Variants in ACADM observed in about 807,000 individuals in gnomAD.
The protein encoded by ACADM is medium-chain specific acyl-CoA dehydrogenase, mitochondrial.
Under a neutral mutation model 58.9 loss-of-function variants are expected in ACADM, and 49 were observed. The observed-to-expected ratio is 0.83, with a 90% CI of 0.66 to 1.06. The LOEUF (loss-of-function observed/expected upper bound fraction) is 1.06. Ranked by LOEUF, ACADM falls within the 50% of genes least tolerant of loss-of-function variation. ACADM has a pLI of 0.00. For synonymous variants in ACADM, 160 were observed against 157.7 expected, an observed-to-expected ratio of 1.01 and a Z score of -0.11; for missense variants, 496 against 507.0, an observed-to-expected ratio of 0.98 and a Z score of 0.21.
chr1:75,760,283 A>AAAT (rs1648755875), intron 10 of ACADM, among the ~76,000 whole-genome samples: 1 of 147,088 alleles, frequency 6.8e-6, no homozygotes, highest in East Asian at 2.0e-4. Flanking sequence ...AAAAAAAAAA[A>AAAT]GCCTGGTGTG....
rs59063908 is a variant in ACADM at position 75,760,544 on chromosome 1, C to CA, written c.946-542dup. Among the ~76,000 whole-genome samples the CA allele has an allele frequency of 3.0e-3, 107 of 35,482 alleles. 22 individuals are homozygous for CA. The highest frequency in any genetic ancestry group is 5.8e-3 in the African/African-American group (84 of 14,434). The allele number at this position is 35,482 out of a possible 152,430, so 23.3% of individuals were successfully genotyped here. ...TGGAAAACAAAGTGAGACCCTGTCT[C>CA]AAAAAAAAAAAAAAAAAAAAAAAAA... is the stretch of plus-strand genomic sequence containing the variant. On this transcript the variant is annotated intron_variant, in intron 10 of 11. Transcript: ENST00000370841.
chr1:75,762,605 C>A, intron 11 of ACADM, 87 bp from the exon 12 acceptor site: 1 of 855,444 alleles, frequency 1.2e-6, no homozygotes, highest in Non-Finnish European at 2.0e-6. Flanking sequence ...TATTACAACA[C>A]AGCTTATGCT....
rs968501995 is a variant in ACADM, at chr1:75,749,623, T to C, written c.849+64T>C. On this transcript the variant is annotated intron_variant, in intron 9 of 11. Transcript: ENST00000370841. ...ATTTATTACATTAAATAAGTATTTT[T>C]ACTTTAAAATTGTATGTTCAGTGTG... 1.6e-5 allele frequency: 23 copies of C among 1,438,678 alleles called. No homozygotes were observed. The East Asian group carries it at 5.1e-4, about 32-fold the overall frequency. The allele number at this position is 1,438,678 out of a possible 1,614,324, so 89.1% of individuals were successfully genotyped here. A position where few individuals can be genotyped will look rare whatever the true frequency, so the allele number is the denominator to read the frequency against.
In ACADM at chr1:75,743,966, A is replaced by G. The variant is rs1233277757; in HGVS notation, c.600-1840A>G. On this transcript the variant is annotated intron_variant, in intron 7 of 11. Transcript: ENST00000370841. The stretch of plus-strand genomic sequence containing the variant: ...CCTAGTTTGAGGTTATGTTTCTTCA[A>G]AAAAGCCTCTTTGTGCCGAGCCCTC... 8.4e-6 allele frequency: 13 copies of G among 1,553,224 alleles called. No individual in the cohort carries two copies. The East Asian group carries it at 1.3e-4, about 16-fold the overall frequency.
intron 7 of ACADM, among the ~76,000 whole-genome samples, chr1:75,741,208 A>G (rs1366321298): frequency 1.3e-5 from 2 of 152,138 alleles, no homozygotes; most frequent in Non-Finnish European, 2.9e-5. Flanking sequence ...GATTCAATAT[A>G]TTTGTGTGCC....
intron 8 of ACADM, among the ~76,000 whole-genome samples, chr1:75,747,695 G>A (rs1647974846): frequency 6.6e-6 from 1 of 152,220 alleles, no homozygotes; most frequent in Non-Finnish European, 1.5e-5. Context: ...GCTGAAGTGG[G>A]AGGATCACCT....
intron 10 of ACADM, among the ~76,000 whole-genome samples, chr1:75,754,202 G>GTT: frequency 2.1e-5 from 3 of 142,664 alleles, no homozygotes; most frequent in Non-Finnish European, 3.1e-5. Flanking sequence ...TGAAACTTCA[G>GTT]TTTTTTGTTT....
intron 5 of ACADM, among the ~76,000 whole-genome samples, chr1:75,733,860 G>T (rs1472822939): frequency 6.6e-6 from 1 of 152,192 alleles, no homozygotes; most frequent in Non-Finnish European, 1.5e-5. Flanking sequence ...TCGGAGTTCT[G>T]ACTGTCCTTT....
At chr1:75,745,491 A>G (rs545617775) in intron 7 of ACADM, 2 of 280,814 alleles carry the variant, frequency 7.1e-6, no homozygotes, top group Admixed American at 4.9e-5. Context: ...GTCTAAAAAA[A>G]AAAAGTTATG....
In ACADM at chr1:75,733,699, G is replaced by A. The variant is rs78470475; in HGVS notation, c.387+71G>A. 6.9e-3 allele frequency: 8,939 copies of A among 1,299,252 alleles called. 449 individuals are homozygous for A. In the African/African-American group the frequency reaches 0.11, roughly 17 times the overall value. 80.5% of individuals were successfully genotyped at this position (1,299,252 alleles called of 1,614,324 possible). A position where few individuals can be genotyped will look rare whatever the true frequency, so the allele number is the denominator to read the frequency against. On this transcript the variant is annotated intron_variant, in intron 5 of 11. Transcript: ENST00000370841. ...GAGATAGTTACTCCTGAAGAAGTTG[G>A]ATTTTTAGAAGAAAAAAAAAGGAAA...
chr1:75,727,345 TAAAGA>T (rs1454107318), intron 1 of ACADM, among the ~76,000 whole-genome samples: 1 of 152,190 alleles, frequency 6.6e-6, no homozygotes, highest in African/African-American at 2.4e-5. Flanking sequence ...AGAATTTAAA[TAAAGA>T]AACTTTAGTA....
chr1:75,733,440 C>T, intron 4 of ACADM, 88 bp from the exon 5 acceptor site: 1 of 1,313,982 alleles, frequency 7.6e-7, no homozygotes. Context: ...AAATTTTGGT[C>T]ATATTGAAAG....
In ACADM at chr1:75,728,401, G is replaced by A. The variant is rs1418161871; in HGVS notation, c.31G>A (p.Val11Ile). ...ATTTTAATAAAAGTGTTCTTTACAG[G>A]TCCTGAGAAGTATTTCTCGTTTTCA... MAAGFGRCCR[V>I]LRSISRFHWR... Residue 11 changes from valine to isoleucine, a missense_variant and splice_region_variant, in exon 2 of 12, where the codon GTC becomes ATC. Val to Ile is a conservative substitution (Grantham distance 29, BLOSUM62 3). Coordinates refer to ENST00000370841, the MANE Select transcript of ACADM (RefSeq NM_000016.6). 1.1e-5 allele frequency: 17 copies of A among 1,611,190 alleles called. No individual in the cohort carries two copies. Among genetic ancestry groups the A allele is most frequent in the Non-Finnish European group, 1.4e-5 (17 of 1,177,936 alleles).
chr1:75,739,740 A>G (rs1487850525), intron 6 of ACADM, among the ~76,000 whole-genome samples: 1 of 152,326 alleles, frequency 6.6e-6, no homozygotes, highest in South Asian at 2.1e-4. Context: ...CCAGGAAGCC[A>G]AGACTGCATT....
chr1:75,749,654 C>T lies in ACADM; in HGVS notation c.849+95C>T. 13 of 1,055,354 alleles carry T rather than the reference C, an allele frequency of 1.2e-5. 1 individual carries two copies. The highest frequency in any genetic ancestry group is 3.1e-4 in the Middle Eastern group (1 of 3,182). The allele number at this position is 1,055,354 out of a possible 1,614,324, so 65.4% of individuals were successfully genotyped here. The stretch of plus-strand genomic sequence containing the variant: ...AAAATTGTATGTTCAGTGTGTTTCT[C>T]TTTTTAATATCTGCTTATTTTATTA... On this transcript the variant is annotated intron_variant, in intron 9 of 11. Coordinates refer to ENST00000370841, the MANE Select transcript of ACADM (RefSeq NM_000016.6).
At position 75,762,823 on chromosome 1, in the gene ACADM, AAAAG is replaced by A; in HGVS notation, c.*65_*68del. On this transcript the variant is annotated 3_prime_UTR_variant, in exon 12 of 12. Transcript: ENST00000370841. ...ACAAGCCACTGTTTCAGCTCCAGAA[AAAAG>A]AAAGGGCTTTAACGTTTTTTCCAGT... The A allele has an allele frequency of 2.8e-6, 3 of 1,074,342 alleles. No individual in the cohort carries two copies. The highest frequency in any genetic ancestry group is 2.4e-5 in the East Asian group (1 of 41,338). The allele number at this position is 1,074,342 out of a possible 1,614,324, so 66.6% of individuals were successfully genotyped here. A position where few individuals can be genotyped will look rare whatever the true frequency, so the allele number is the denominator to read the frequency against.
At chr1:75,753,643 C>A (rs1478291243) in intron 10 of ACADM, among the ~76,000 whole-genome samples, 1 of 151,636 alleles carries the variant, frequency 6.6e-6, no homozygotes, top group Non-Finnish European at 1.5e-5. Flanking sequence ...CTTTTATGTT[C>A]TCTTTCTTAT....
intron 6 of ACADM, among the ~76,000 whole-genome samples, chr1:75,737,790 T>G (rs1647350661): frequency 7.0e-6 from 1 of 143,130 alleles, no homozygotes; most frequent in African/African-American, 2.5e-5. Flanking sequence ...GCACAGAACC[T>G]GTCATTTTTT....
chr1:75,762,595 T>C (rs1648912170), intron 11 of ACADM, 97 bp from the exon 12 acceptor site: 7 of 799,276 alleles, frequency 8.8e-6, no homozygotes, highest in Non-Finnish European at 1.5e-5. Flanking sequence ...TTCGGTTTTA[T>C]ATTACAACAC....
Sources: gnomAD v4.1 joint callset for allele counts (sites outside exome capture counted in the v4.1 genomes callset) on GRCh38, gnomAD v4.1.1 for gene constraint, MANE v1.5 for transcripts, NCBI Gene and HGNC (gene_info 2026-07-23, HGNC 2026-07-21) for gene names.